Variants in SLC45A1 observed in about 807,000 individuals in gnomAD.
SLC45A1 encodes proton-associated sugar transporter A.
In SLC45A1, 28 loss-of-function variants were observed where a neutral mutation model predicts 57.6. That is an observed-to-expected ratio of 0.49 (90% CI 0.36 to 0.67). The LOEUF (loss-of-function observed/expected upper bound fraction) is 0.67. SLC45A1 is among the 30% of genes least tolerant of loss of function. The probability of loss-of-function intolerance (pLI) is 0.00; values close to 1 mark genes in which losing one functional copy is unlikely to be tolerated. For synonymous variants in SLC45A1, 459 were observed against 471.5 expected (o/e 0.97, Z 0.34); for missense variants, 814 against 1,041.5 (o/e 0.78, Z 3.01).
At chr1:8,323,490 CAAAAAAAAAAA>C (rs34956825) in intron 1 of SLC45A1, among the ~76,000 whole-genome samples, 1 of 127,530 alleles carries the variant, frequency 7.8e-6, no homozygotes, top group Admixed American at 7.6e-5. Context: ...GACTCTGTCT[CAAAAAAAAAAA>C]AAAAAAAAAA....
At chr1:8,324,788 A>G (rs1168575068) in intron 2 of SLC45A1, 62 bp downstream of exon 2, 4 of 1,453,874 alleles carry the variant, frequency 2.8e-6, no homozygotes, top group Non-Finnish European at 2.8e-6. Context: ...GCCTCATCGC[A>G]GTAGCCTGAG....
In SLC45A1 at chr1:8,326,103, C is replaced by A; in HGVS notation, c.715+61C>A. The A allele has an allele frequency of 7.5e-7, 1 of 1,333,242 alleles. No homozygotes were observed. The highest frequency in any genetic ancestry group is 1.4e-5 in the African/African-American group (1 of 69,630). The allele number at this position is 1,333,242 out of a possible 1,614,324, so 82.6% of individuals were successfully genotyped here. On this transcript the variant is annotated intron_variant, in intron 4 of 8. Transcript: ENST00000471889. This position sits in a 1 kb window ranked among gnomAD's most constrained non-coding sequence, Gnocchi z 5.5. ...CGGGCTGCAGGCTTCAGACGTGTGG[C>A]TTTCGAGGCCCTTCCTCACTCCCTG...
rs144007926 is a variant in SLC45A1, at chr1:8,335,402, G to T, written c.1444-35G>T. On this transcript the variant is annotated intron_variant, in intron 5 of 8. Coordinates refer to ENST00000471889, the MANE Select transcript of SLC45A1 (RefSeq NM_001080397.3). This position sits in a 1 kb window ranked among gnomAD's most constrained non-coding sequence, Gnocchi z 4.1. ...GGTCTGCGCTGTGTGATGGGGGTGC[G>T]GGGCTCTGATGAGGGGTTTGTGGGC... 1.9e-6 allele frequency: 3 copies of T among 1,552,262 alleles called. No homozygotes were observed. Among genetic ancestry groups the T allele is most frequent in the Admixed American group, 3.6e-5 (2 of 55,330 alleles).
chr1:8,339,586 T>C lies in SLC45A1; in HGVS notation c.1868T>C (p.Leu623Pro), dbSNP rs777881063. Residue 623 changes from leucine to proline, a missense_variant, in exon 8 of 9, where the codon CTC (leucine) becomes CCC (proline). Transcript: ENST00000471889. ...AFGLGTGLAT[L>P]SRNLYVVLSL... ...GGCCTGGGGACCGGGCTTGCCACCCTCTCCAGGAACCTCTACGTGGTCCTG... is the reference window on the plus strand; with the variant it reads ...GGCCTGGGGACCGGGCTTGCCACCCCCTCCAGGAACCTCTACGTGGTCCTG... The C allele has an allele frequency of 6.2e-7, 1 of 1,614,174 alleles. No homozygotes were observed. Among genetic ancestry groups the C allele is most frequent in the Non-Finnish European group, 8.5e-7 (1 of 1,180,036 alleles).
chr1:8,329,717 G>C (rs186350097), intron 4 of SLC45A1, among the ~76,000 whole-genome samples: 1 of 152,214 alleles, frequency 6.6e-6, no homozygotes, highest in Non-Finnish European at 1.5e-5. Flanking sequence ...GCCAGGGTGT[G>C]GGGAGGCAGG....
At chr1:8,339,812 CA>C in intron 8 of SLC45A1, 114 bp downstream of exon 8, 1 of 1,006,690 alleles carries the variant, frequency 9.9e-7, no homozygotes, top group African/African-American at 1.6e-5. Flanking sequence ...AATGTCAAGA[CA>C]GCGACCACAG....
chr1:8,330,273 G>T lies in SLC45A1; in HGVS notation c.780G>T (p.Arg260Ser), dbSNP rs768998199. The T allele has an allele frequency of 6.8e-6, 11 of 1,613,928 alleles. 1 individual carries two copies. Among genetic ancestry groups the T allele is most frequent in the Non-Finnish European group, 9.3e-6 (11 of 1,180,014 alleles). The change falls in exon 5 of 9, where the codon AGG (arginine) becomes AGT (serine). Residue 260 changes from arginine to serine, a missense_variant. Arg to Ser is a moderately radical substitution (Grantham distance 110, BLOSUM62 -1). Coordinates refer to ENST00000471889, the MANE Select transcript of SLC45A1 (RefSeq NM_001080397.3). The surrounding 1 kb of genome is among the most constrained non-coding windows in gnomAD (Gnocchi z 8.4). ...ACTGGGATAAAACGGGCTTCGGGAG[G>T]GCCCTGGGGGGACAGCTCCGAGTCA... ...GIHWDKTGFG[R>S]ALGGQLRVIY...
intron 1 of SLC45A1, 22 bp from the exon 2 acceptor site, chr1:8,324,284 T>G: frequency 6.3e-7 from 1 of 1,586,052 alleles, no homozygotes; most frequent in Non-Finnish European, 8.6e-7. Context: ...AACTGTGGCC[T>G]CCCCACGGGC....
rs769073858 is a variant in SLC45A1, at chr1:8,326,052, C to T, written c.715+10C>T. The T allele has an allele frequency of 7.8e-5, 125 of 1,596,498 alleles. No individual in the cohort carries two copies. In the South Asian group the frequency reaches 1.0e-3, roughly 13 times the overall value. ...CACGCCCTCCTGGCAGGTGAGTCTCCGCAGCAGGGCCGAAGCTGAATCTGC... is the reference window on the plus strand; with the variant it reads ...CACGCCCTCCTGGCAGGTGAGTCTCTGCAGCAGGGCCGAAGCTGAATCTGC... On this transcript the variant is annotated intron_variant, in intron 4 of 8. Transcript: ENST00000471889. This position sits in a 1 kb window ranked among gnomAD's most constrained non-coding sequence, Gnocchi z 5.5.
In SLC45A1 at chr1:8,324,722, C is replaced by T. The variant is rs745493077; in HGVS notation, c.393C>T (p.Ile131=). 78 of 1,581,520 alleles carry T rather than the reference C, an allele frequency of 4.9e-5. No homozygotes were observed. Among genetic ancestry groups the T allele is most frequent in the Middle Eastern group, 1.7e-4 (1 of 5,808 alleles). Residue 131 remains isoleucine, a synonymous_variant, in exon 2 of 9, where the codon ATC becomes ATT. Coordinates refer to ENST00000471889, the MANE Select transcript of SLC45A1 (RefSeq NM_001080397.3). Reference sequence around the variant, plus strand: ...GCCTGGTGTGGTTCATCAGCCCCATCCTCGGTGAGCCCCGGCTCCTCCCCG... The same window carrying T: ...GCCTGGTGTGGTTCATCAGCCCCATTCTCGGTGAGCCCCGGCTCCTCCCCG... ...LYSLVWFISP[I]LGFLLQPLLG...
intron 5 of SLC45A1, among the ~76,000 whole-genome samples, chr1:8,333,830 C>T (rs1640504554): frequency 6.6e-6 from 1 of 152,178 alleles, no homozygotes; most frequent in African/African-American, 2.4e-5. Context: ...ACCGTCTCAG[C>T]GTGAGGAAGG....
In SLC45A1 at chr1:8,326,102, G is replaced by C. The variant is rs989747443; in HGVS notation, c.715+60G>C. On this transcript the variant is annotated intron_variant, in intron 4 of 8. Coordinates refer to ENST00000471889, the MANE Select transcript of SLC45A1 (RefSeq NM_001080397.3). The surrounding 1 kb of genome is among the most constrained non-coding windows in gnomAD (Gnocchi z 5.5). Reference sequence around the variant, plus strand: ...CCGGGCTGCAGGCTTCAGACGTGTGGCTTTCGAGGCCCTTCCTCACTCCCT... The same window carrying C: ...CCGGGCTGCAGGCTTCAGACGTGTGCCTTTCGAGGCCCTTCCTCACTCCCT... The C allele has an allele frequency of 6.6e-6, 9 of 1,356,530 alleles. No homozygotes were observed. In the African/African-American group the frequency reaches 1.1e-4, roughly 17 times the overall value. The allele number at this position is 1,356,530 out of a possible 1,614,324, so 84.0% of individuals were successfully genotyped here.
At chr1:8,320,564 A>G (rs1169279075) in intron 1 of SLC45A1, among the ~76,000 whole-genome samples, 1 of 152,024 alleles carries the variant, frequency 6.6e-6, no homozygotes, top group Non-Finnish European at 1.5e-5. Flanking sequence ...GGATCACCTG[A>G]GCCCAGGGAG....
At chr1:8,329,562 G>A (rs955963770) in intron 4 of SLC45A1, among the ~76,000 whole-genome samples, 1 of 152,230 alleles carries the variant, frequency 6.6e-6, no homozygotes, top group Non-Finnish European at 1.5e-5. Flanking sequence ...CCACAGCATC[G>A]CTCACAGTTT....
chr1:8,318,256 G>A (rs1639885218), intron 1 of SLC45A1, 70 bp downstream of exon 1: 3 of 410,528 alleles, frequency 7.3e-6, no homozygotes, highest in Non-Finnish European at 1.3e-5. Flanking sequence ...CGCGCCCTGG[G>A]CCCCGGGGTA....
chr1:8,333,216 A>G (rs929986381), intron 5 of SLC45A1, among the ~76,000 whole-genome samples: 1 of 146,880 alleles, frequency 6.8e-6, no homozygotes, highest in African/African-American at 2.5e-5. Context: ...TGGGGCTTGC[A>G]CTGTTCATTT....
At chr1:8,338,359 A>C (rs1640690307) in intron 7 of SLC45A1, among the ~76,000 whole-genome samples, 1 of 152,200 alleles carries the variant, frequency 6.6e-6, no homozygotes, top group South Asian at 2.1e-4. Flanking sequence ...TCAAGGAGCA[A>C]CTGGTCCCCA....
intron 6 of SLC45A1, among the ~76,000 whole-genome samples, chr1:8,337,511 C>T (rs544623482): frequency 1.5e-4 from 23 of 152,308 alleles, no homozygotes; most frequent in African/African-American, 5.5e-4. Context: ...CTCCACCTCC[C>T]GGGTTCACAC....
At position 8,324,825 on chromosome 1, in the gene SLC45A1, A is replaced by G. The variant is rs571107322; in HGVS notation, c.397+99A>G. 242 of 1,180,792 alleles carry G rather than the reference A, an allele frequency of 2.0e-4. 4 individuals are homozygous for G. The South Asian group carries it at 3.4e-3, about 16-fold the overall frequency. The allele number at this position is 1,180,792 out of a possible 1,614,324, so 73.1% of individuals were successfully genotyped here. Reference sequence around the variant, plus strand: ...GTCCTGAGGGGAGAAGGGAGGATCAAGAGTTAAGTTCCCTTCATCAGTCTG... The same window carrying G: ...GTCCTGAGGGGAGAAGGGAGGATCAGGAGTTAAGTTCCCTTCATCAGTCTG... On this transcript the variant is annotated intron_variant, in intron 2 of 8. Transcript: ENST00000471889.
Sources: gnomAD v4.1 joint callset for allele counts (sites outside exome capture counted in the v4.1 genomes callset) on GRCh38, gnomAD v4.1.1 for gene constraint, Gnocchi (gnomAD v3.1) non-coding constraint, MANE v1.5 for transcripts, NCBI Gene and HGNC (gene_info 2026-07-23, HGNC 2026-07-21) for gene names.